The following CDCA7L variants were observed in gnomAD, a reference collection of about 807,000 sequenced individuals.
CDCA7L encodes cell division cycle associated 7 like, also known as cell division cycle-associated 7-like protein.
In CDCA7L, 44 loss-of-function variants were observed where a neutral mutation model predicts 57.4. That is an observed-to-expected ratio of 0.77 (90% CI 0.60 to 0.98). The LOEUF (loss-of-function observed/expected upper bound fraction) is 0.98, where lower values mean the gene tolerates loss of function less well. Among genes scored for constraint, CDCA7L ranks in the 50% least tolerant of loss-of-function variants. The pLI is 0.00. For missense variants in CDCA7L, 644 were observed against 580.6 expected (o/e 1.11, Z -1.12); for synonymous variants, 236 against 202.8 (o/e 1.16, Z -1.39).
At position 21,937,459 on chromosome 7, in the gene CDCA7L, AC is replaced by A. The variant is rs1304887908; in HGVS notation, c.24+8321del. ...AGACCACCCTGGGCAACATGGTGAAACCCCATCTCTACTAAAATACAAAAAA... is the reference window on the plus strand; with the variant it reads ...AGACCACCCTGGGCAACATGGTGAAACCCATCTCTACTAAAATACAAAAAA... On this transcript the variant is annotated intron_variant, in intron 1 of 9. Transcript: ENST00000406877. 1.1e-4 allele frequency among the ~76,000 whole-genome samples: 16 copies of A among 151,968 alleles called. No homozygotes were observed. In the East Asian group the frequency reaches 2.1e-3, roughly 20 times the overall value.
Position 21,904,187 on chromosome 7 carries a change from C to CACAGCAACCCTGGTTCCGACACACTGTCT in CDCA7L, c.1091_1119dup (p.Gly374ArgfsTer88). The CACAGCAACCCTGGTTCCGACACACTGTCT allele has an allele frequency of 6.2e-7, 1 of 1,613,854 alleles. No individual in the cohort carries two copies. On this transcript the variant is annotated frameshift_variant, in exon 8 of 10. Coordinates refer to ENST00000406877, the MANE Select transcript of CDCA7L (RefSeq NM_018719.5). LOFTEE classifies it high-confidence loss of function. ...GGTCCACAGAACTGTCCTCGCACAC[C>CACAGCAACCCTGGTTCCGACACACTGTCT]ACAGCAACCCTGGTTCCGACACACT...
At chr7:21,926,641 G>T (rs947952840) in intron 1 of CDCA7L, among the ~76,000 whole-genome samples, 1 of 152,086 alleles carries the variant, frequency 6.6e-6, no homozygotes, top group African/African-American at 2.4e-5. Flanking sequence ...GAAGGCTGAG[G>T]CAGGAGGATC....
At chr7:21,907,210 A>G (rs1190894658) in intron 4 of CDCA7L, among the ~76,000 whole-genome samples, 1 of 152,222 alleles carries the variant, frequency 6.6e-6, no homozygotes, top group African/African-American at 2.4e-5. Context: ...ATACAATTAT[A>G]TGAGTGCCAC....
At position 21,906,227 on chromosome 7, in the gene CDCA7L, G is replaced by A. The variant is rs372198777; in HGVS notation, c.921+62C>T. 7.1e-5 allele frequency: 105 copies of A among 1,488,214 alleles called. 1 individual carries two copies. In the African/African-American group the frequency reaches 1.0e-3, roughly 14 times the overall value. The allele number at this position is 1,488,214 out of a possible 1,614,324, so 92.2% of individuals were successfully genotyped here. A position where few individuals can be genotyped will look rare whatever the true frequency, so the allele number is the denominator to read the frequency against. On this transcript the variant is annotated intron_variant, in intron 6 of 9. Coordinates refer to ENST00000406877, the MANE Select transcript of CDCA7L (RefSeq NM_018719.5). ...CAGCCCTGGGGTGACAGTGACGTGC[G>A]TTCACGTTTGGAGGGATGGTAGCTC...
chr7:21,906,524 C>A, intron 5 of CDCA7L, 44 bp downstream of exon 5: 2 of 1,612,184 alleles, frequency 1.2e-6, no homozygotes, highest in Non-Finnish European at 1.7e-6. Flanking sequence ...GGTGGCTGAT[C>A]ACCATATATC....
chr7:21,914,919 C>T (rs781569405), intron 2 of CDCA7L, among the ~76,000 whole-genome samples: 13 of 152,260 alleles, frequency 8.5e-5, no homozygotes, highest in South Asian at 2.1e-4. Flanking sequence ...TCTTAATGCC[C>T]GGTGCCTGCC....
Position 21,904,225 on chromosome 7 carries a change from A to G in CDCA7L, c.1082T>C (p.Ile361Thr). 1 of 1,612,380 alleles carries G rather than the reference A, an allele frequency of 6.2e-7. No homozygotes were observed. The highest frequency in any genetic ancestry group is 8.5e-7 in the Non-Finnish European group (1 of 1,179,204). ...NTCHQCRQKT[I>T]DTKTVCRNQG... Reference sequence around the variant, plus strand: ...GTTCCGACACACTGTCTTGGTGTCGATGGTCTTTTGTCGACACTGATGGCA... The same window carrying G: ...GTTCCGACACACTGTCTTGGTGTCGGTGGTCTTTTGTCGACACTGATGGCA... The change falls in exon 8 of 10, where the codon ATC (isoleucine) becomes ACC (threonine). Residue 361 changes from isoleucine (I) to threonine (T), a missense_variant. Transcript: ENST00000406877.
rs80301107 is a variant in CDCA7L, at chr7:21,939,992, G to A, written c.24+5789C>T. Among the ~76,000 whole-genome samples the A allele has an allele frequency of 8.8e-3, 1,255 of 142,726 alleles. 27 individuals carry two copies. Among genetic ancestry groups the A allele is most frequent in the East Asian group, 0.085 (413 of 4,874 alleles). 93.6% of individuals were successfully genotyped at this position (142,726 alleles called of 152,430 possible). The stretch of plus-strand genomic sequence containing the variant: ...AAAAAAAAAAAAAAAAAAGGCTTCC[G>A]TCTTGTTCACATTACATGTCCATCA... On this transcript the variant is annotated intron_variant, in intron 1 of 9. Transcript: ENST00000406877.
At position 21,921,771 on chromosome 7, in the gene CDCA7L, C is replaced by CA. The variant is rs79353686; in HGVS notation, c.25-4878dup. ...TTAGGATAACTACTATCTAGTGAAC[C>CA]AAAAAAAAAAGGGAAAATTCTCATC... is the stretch of plus-strand genomic sequence containing the variant. On this transcript the variant is annotated intron_variant, in intron 1 of 9. Coordinates refer to ENST00000406877, the MANE Select transcript of CDCA7L (RefSeq NM_018719.5). 5.0e-3 allele frequency among the ~76,000 whole-genome samples: 700 copies of CA among 140,656 alleles called. 3 individuals are homozygous for CA. The highest frequency in any genetic ancestry group is 0.016 in the African/African-American group (603 of 38,422). The allele number at this position is 140,656 out of a possible 152,430, so 92.3% of individuals were successfully genotyped here.
intron 3 of CDCA7L, among the ~76,000 whole-genome samples, chr7:21,909,522 G>C (rs1347673367): frequency 1.3e-5 from 2 of 151,994 alleles, no homozygotes; most frequent in South Asian, 2.1e-4. Flanking sequence ...ATAAGACACA[G>C]GGAGAAAAAA....
rs1232491625 is a variant in CDCA7L at position 21,905,405 on chromosome 7, T to C, written c.1047+101A>G. ...AATTCAGAGCCTGGCTCTGAGCCCTTGGTGAGATGGCATAAGCCCTGATAG... is the reference window on the plus strand; with the variant it reads ...AATTCAGAGCCTGGCTCTGAGCCCTCGGTGAGATGGCATAAGCCCTGATAG... On this transcript the variant is annotated intron_variant, in intron 7 of 9. Transcript: ENST00000406877. 4 of 1,329,908 alleles carry C rather than the reference T, an allele frequency of 3.0e-6. No homozygotes were observed. In the African/African-American group the frequency reaches 4.3e-5, roughly 14 times the overall value. The allele number at this position is 1,329,908 out of a possible 1,614,324, so 82.4% of individuals were successfully genotyped here.
At chr7:21,903,152 C>A in intron 8 of CDCA7L, 38 bp from the exon 9 acceptor site, 1 of 1,595,874 alleles carries the variant, frequency 6.3e-7, no homozygotes. Context: ...CGCTCATTAT[C>A]TACAGGGTCT....
At position 21,906,384 on chromosome 7, in the gene CDCA7L, G is replaced by T; in HGVS notation, c.826C>A (p.Arg276=). 1 of 1,613,778 alleles carries T rather than the reference G, an allele frequency of 6.2e-7. No homozygotes were observed. Among genetic ancestry groups the T allele is most frequent in the South Asian group, 1.1e-5 (1 of 91,052 alleles). ...TRRMNPTRSA[R]PPEKFALENF... is the part of the protein sequence containing the mutation. The stretch of plus-strand genomic sequence containing the variant: ...TCTAGAGCAAACTTCTCAGGAGGCC[G>T]CGCACTCCGGGTTGGGTTCATACGC... The change falls in exon 6 of 10, where the codon CGG becomes AGG. Residue 276 remains arginine (R), a synonymous_variant. Transcript: ENST00000406877.
chr7:21,933,765 A>G (rs1413043983), intron 1 of CDCA7L, among the ~76,000 whole-genome samples: 3 of 152,058 alleles, frequency 2.0e-5, no homozygotes, highest in Admixed American at 2.0e-4. Context: ...ACAAACCTGC[A>G]CGTTCTGCAC....
chr7:21,919,938 A>G (rs376018822), intron 1 of CDCA7L, among the ~76,000 whole-genome samples: 4 of 152,334 alleles, frequency 2.6e-5, no homozygotes, highest in East Asian at 3.9e-4. Flanking sequence ...AATGTTTCAC[A>G]TGTACTTCCC....
chr7:21,928,700 A>G (rs1785901995), intron 1 of CDCA7L, among the ~76,000 whole-genome samples: 1 of 151,940 alleles, frequency 6.6e-6, no homozygotes, highest in African/African-American at 2.4e-5. Context: ...AAGAAAGGAT[A>G]TCAGAGACTG....
At chr7:21,906,911 A>C (rs1401626317) in intron 4 of CDCA7L, among the ~76,000 whole-genome samples, 1 of 152,208 alleles carries the variant, frequency 6.6e-6, no homozygotes, top group Non-Finnish European at 1.5e-5. Context: ...GGAATGATCA[A>C]GACCTGGAGC....
intron 1 of CDCA7L, among the ~76,000 whole-genome samples, chr7:21,925,320 T>C (rs535149816): frequency 8.5e-5 from 13 of 152,282 alleles, no homozygotes; most frequent in African/African-American, 2.6e-4. Context: ...AAGTATTCTT[T>C]TCATCTAGCA....
chr7:21,931,308 G>A (rs1192649891), intron 1 of CDCA7L, among the ~76,000 whole-genome samples: 3 of 152,116 alleles, frequency 2.0e-5, no homozygotes, highest in African/African-American at 7.2e-5. Context: ...ACCAAAACCT[G>A]GCAGAGACAC....
Sources: allele counts gnomAD v4.1 joint callset (sites outside exome capture counted in the v4.1 genomes callset), GRCh38; gene constraint gnomAD v4.1.1; transcripts MANE v1.5; gene names NCBI Gene and HGNC (gene_info 2026-07-23, HGNC 2026-07-21).